The following TPR variants were observed in gnomAD, a reference collection of about 807,000 sequenced individuals.
TPR encodes the protein translocated promoter region, nuclear basket protein, also known as nucleoprotein TPR.
A neutral mutation model predicts 316.1 loss-of-function variants in TPR; 51 were observed. The ratio of observed to expected loss-of-function variants is 0.16; its 90% CI spans 0.13 to 0.20. TPR has a LOEUF of 0.20. Among genes scored for constraint, TPR ranks in the 10% least tolerant of loss-of-function variants. TPR has a pLI of 1.00. For missense variants in TPR, 2,272 were observed against 2,754.8 expected, an observed-to-expected ratio of 0.82 and a Z score of 3.92; for synonymous variants, 981 against 914.7, an observed-to-expected ratio of 1.07 and a Z score of -1.31.
intron 27 of TPR, 159 bp from the exon 28 acceptor site, chr1:186,341,548 G>T: frequency 1.4e-6 from 1 of 693,328 alleles, no homozygotes. Context: ...TTTTCTGTGA[G>T]GCATGCGAAC....
chr1:186,330,257 T>A lies in TPR; in HGVS notation c.5688+1241A>T, dbSNP rs540857686. 2.0e-5 allele frequency among the ~76,000 whole-genome samples: 3 copies of A among 152,186 alleles called. No individual in the cohort carries two copies. The South Asian group carries it at 6.2e-4, about 32-fold the overall frequency. Reference sequence around the variant, plus strand: ...AATTCATATGGTTACAATAAAAAAATATAAGCCTTTGCTAAACTCCTCTAA... The same window carrying A: ...AATTCATATGGTTACAATAAAAAAAAATAAGCCTTTGCTAAACTCCTCTAA... On this transcript the variant is annotated intron_variant, in intron 39 of 50. Coordinates refer to ENST00000367478, the MANE Select transcript of TPR (RefSeq NM_003292.3).
Position 186,325,948 on chromosome 1 carries a change from AC to A in TPR, c.6022-95del, listed in dbSNP as rs1173141781. On this transcript the variant is annotated intron_variant, in intron 41 of 50. Transcript: ENST00000367478. ...TTAACCAAACCAAACCACAACAAAA[AC>A]AAATAAGTAACCATAACAACAAAAA... 9.0e-6 allele frequency: 14 copies of A among 1,556,754 alleles called. No individual in the cohort carries two copies. The Admixed American group carries it at 2.4e-4, about 27-fold the overall frequency.
chr1:186,314,845 A>G, intron 49 of TPR, 121 bp from the exon 50 acceptor site: 1 of 570,578 alleles, frequency 1.8e-6, no homozygotes, highest in Non-Finnish European at 2.9e-6. Flanking sequence ...TTTGATTTCA[A>G]TTCTTTTTTT....
chr1:186,346,697 C>T (rs943071504), intron 22 of TPR, among the ~76,000 whole-genome samples: 2 of 151,990 alleles, frequency 1.3e-5, no homozygotes, highest in Non-Finnish European at 2.9e-5. Context: ...AAAATGAACA[C>T]GGTATCTTCC....
chr1:186,355,492 G>C lies in TPR; in HGVS notation c.2089C>G (p.Leu697Val). The C allele has an allele frequency of 6.2e-7, 1 of 1,612,564 alleles. No homozygotes were observed. The highest frequency in any genetic ancestry group is 8.5e-7 in the Non-Finnish European group (1 of 1,179,752). Residue 697 changes from leucine to valine, a missense_variant, in exon 17 of 51, where the codon CTT becomes GTT. Transcript: ENST00000367478. Reference protein sequence around the residue: ...AENEKIQNEQLEKLQEQVTDL... With the variant: ...AENEKIQNEQVEKLQEQVTDL... ...GTAACTTGTTCTTGAAGTTTCTCAA[G>C]CTGCTCATTTTGTATTTTTTCATTT... is the stretch of plus-strand genomic sequence containing the variant.
chr1:186,322,520 T>C lies in TPR; in HGVS notation c.6364A>G (p.Met2122Val), dbSNP rs767493373. The change falls in exon 44 of 51, where the codon ATG becomes GTG. Residue 2122 changes from methionine to valine, a missense_variant and splice_region_variant. By Grantham distance (21) the Met-to-Val change is conservative (BLOSUM62 1). Around this residue, in one of 10 missense-constraint regions of TPR, gnomAD observed 88 missense variants for 176.2 expected, o/e 0.50. Coordinates refer to ENST00000367478, the MANE Select transcript of TPR (RefSeq NM_003292.3). ...GLQLTPGIGGMQQHFFDDEDR... is the reference protein window; with the variant it reads ...GLQLTPGIGGVQQHFFDDEDR... The stretch of plus-strand genomic sequence containing the variant: ...TTACATAATGGGTAAGTACTTACCA[T>C]GCCACCTATTCCTGGAGTCAACTGA... 6.2e-7 allele frequency: 1 copy of C among 1,614,050 alleles called. No individual in the cohort carries two copies. The highest frequency in any genetic ancestry group is 1.1e-5 in the South Asian group (1 of 91,088).
rs61369492 is a variant in TPR at position 186,365,102 on chromosome 1, C to CTTTTTTTTT, written c.428-1666_428-1658dup. ...GTACCTTGCTAGTAAAGGGGCTGCCCTTTTTTTTTTTTGGAGACAGTCTCG... is the reference window on the plus strand; with the variant it reads ...GTACCTTGCTAGTAAAGGGGCTGCCCTTTTTTTTTTTTTTTTTTTTTGGAGACAGTCTCG... On this transcript the variant is annotated intron_variant, in intron 4 of 50. Coordinates refer to ENST00000367478, the MANE Select transcript of TPR (RefSeq NM_003292.3). 1.2e-3 allele frequency among the ~76,000 whole-genome samples: 162 copies of CTTTTTTTTT among 137,170 alleles called. 6 individuals carry two copies. The highest frequency in any genetic ancestry group is 6.5e-3 in the East Asian group (30 of 4,588). 90.0% of individuals were successfully genotyped at this position (137,170 alleles called of 152,430 possible). A position where few individuals can be genotyped will look rare whatever the true frequency, so the allele number is the denominator to read the frequency against.
intron 4 of TPR, among the ~76,000 whole-genome samples, chr1:186,364,653 A>G (rs541731754): frequency 1.3e-5 from 2 of 152,350 alleles, no homozygotes; most frequent in Non-Finnish European, 2.9e-5. Flanking sequence ...TGATAATTTT[A>G]GAAAGGTTTG....
At chr1:186,353,582 C>T (rs1658937515) in intron 18 of TPR, 106 bp downstream of exon 18, 6 of 1,319,174 alleles carry the variant, frequency 4.5e-6, no homozygotes, top group Non-Finnish European at 5.2e-6. Context: ...AACCTCCAAA[C>T]TTCTTAAATA....
At position 186,312,229 on chromosome 1, in the gene TPR, G is replaced by C. The variant is rs1188942196; in HGVS notation, c.*1742C>G. The C allele has an allele frequency of 4.3e-6, 7 of 1,613,888 alleles. No individual in the cohort carries two copies. The highest frequency in any genetic ancestry group is 2.7e-5 in the African/African-American group (2 of 74,886). ...CAGGAACCTGTACAGAAGTGCCCTG[G>C]AAGAAGGCCTGCTCTAAATTATCCA... On this transcript the variant is annotated 3_prime_UTR_variant, in exon 51 of 51. Coordinates refer to ENST00000367478, the MANE Select transcript of TPR (RefSeq NM_003292.3).
In TPR at chr1:186,314,748, G is replaced by A. The variant is rs527273560; in HGVS notation, c.6941-24C>T. On this transcript the variant is annotated intron_variant, in intron 49 of 50. Transcript: ENST00000367478. ...ATCTAAGAAAAACATTAAGATAAAA[G>A]AAAAGCAAGTGAAAAAATGAGAAAG... 1.2e-5 allele frequency: 18 copies of A among 1,516,202 alleles called. No homozygotes were observed. In the South Asian group the frequency reaches 2.2e-4, roughly 18 times the overall value. 93.9% of individuals were successfully genotyped at this position (1,516,202 alleles called of 1,614,324 possible).
chr1:186,358,471 C>T, intron 13 of TPR, 72 bp downstream of exon 13: 2 of 1,204,598 alleles, frequency 1.7e-6, no homozygotes, highest in Non-Finnish European at 2.4e-6. Flanking sequence ...TCTTAGGTAC[C>T]TTCAAACAGA....
intron 37 of TPR, among the ~76,000 whole-genome samples, 198 bp downstream of exon 37, chr1:186,332,924 T>C (rs897826951): frequency 4.6e-5 from 7 of 152,136 alleles, no homozygotes; most frequent in Admixed American, 3.9e-4. Flanking sequence ...AATATATTCA[T>C]TCATTCTAAT....
In TPR at chr1:186,325,867, C is replaced by G; in HGVS notation, c.6022-13G>C. ...TCCCATCACCACCCTAAAAACAAAA[C>G]GTGGTAACATAATGCTCAAATAAAA... is the stretch of plus-strand genomic sequence containing the variant. On this transcript the variant is annotated splice_polypyrimidine_tract_variant and intron_variant, in intron 41 of 50. Transcript: ENST00000367478. 1 of 1,610,678 alleles carries G rather than the reference C, an allele frequency of 6.2e-7. No homozygotes were observed. The highest frequency in any genetic ancestry group is 8.5e-7 in the Non-Finnish European group (1 of 1,178,248).
rs143835201 is a variant in TPR, at chr1:186,346,336, G to A, written c.2944-49C>T. The A allele has an allele frequency of 1.1e-3, 1,670 of 1,515,378 alleles. 15 individuals are homozygous for A. The African/African-American group carries it at 0.02, about 18-fold the overall frequency. 93.9% of individuals were successfully genotyped at this position (1,515,378 alleles called of 1,614,324 possible). A position where few individuals can be genotyped will look rare whatever the true frequency, so the allele number is the denominator to read the frequency against. ...GATATAAAAATTACACACATTTAAA[G>A]TCATACAATTATTTTCTCCAAATCA... is the stretch of plus-strand genomic sequence containing the variant. On this transcript the variant is annotated intron_variant, in intron 22 of 50. Transcript: ENST00000367478.
intron 4 of TPR, among the ~76,000 whole-genome samples, chr1:186,365,207 T>C (rs905783707): frequency 1.3e-5 from 2 of 151,388 alleles, no homozygotes; most frequent in African/African-American, 2.4e-5. Flanking sequence ...GTGATTCTCA[T>C]GACTCAGCCT....
intron 19 of TPR, 137 bp downstream of exon 19, chr1:186,351,839 T>C (rs1437369842): frequency 4.0e-6 from 4 of 990,166 alleles, no homozygotes; most frequent in East Asian, 2.8e-5. Context: ...AATGTCTTAA[T>C]AAACTGCAAA....
At chr1:186,368,022 A>G (rs1250808232) in intron 3 of TPR, 40 bp from the exon 4 acceptor site, 2 of 1,439,426 alleles carry the variant, frequency 1.4e-6, no homozygotes, top group Non-Finnish European at 9.7e-7. Context: ...AATCAAGTAG[A>G]GCAATACAGG....
chr1:186,363,526 T>C, intron 4 of TPR, 81 bp from the exon 5 acceptor site: 1 of 945,762 alleles, frequency 1.1e-6, no homozygotes, highest in Non-Finnish European at 1.6e-6. Flanking sequence ...TTTCTAGGAA[T>C]ATAAACCTTT....
Sources: allele counts gnomAD v4.1 joint callset (sites outside exome capture counted in the v4.1 genomes callset), GRCh38; gene constraint gnomAD v4.1.1; regional missense constraint gnomAD v4.1.1; transcripts MANE v1.5; gene names NCBI Gene and HGNC (gene_info 2026-07-23, HGNC 2026-07-21).